Variants in CNTN5 observed in about 807,000 individuals in gnomAD.
The protein encoded by CNTN5 is contactin 5, also known as contactin-5.
A neutral mutation model predicts 129.1 loss-of-function variants in CNTN5; 77 were observed. That is an observed-to-expected ratio of 0.60 (90% CI 0.50 to 0.72). The LOEUF is 0.72. Ranked by LOEUF, CNTN5 falls within the 30% of genes least tolerant of loss-of-function variation. CNTN5 has a pLI of 0.00. For missense variants in CNTN5, 1,478 were observed against 1,328.8 expected (o/e 1.11, Z -1.75); for synonymous variants, 509 against 465.6 (o/e 1.09, Z -1.20).
intron 3 of CNTN5, among the ~76,000 whole-genome samples, chr11:99,585,434 C>T (rs1048125378): frequency 1.3e-5 from 2 of 151,996 alleles, no homozygotes; most frequent in Admixed American, 6.5e-5. Flanking sequence ...TTTTACAAAA[C>T]TTATAACAAT....
chr11:99,201,746 C>T (rs1859220442), intron 1 of CNTN5, among the ~76,000 whole-genome samples: 1 of 152,114 alleles, frequency 6.6e-6, no homozygotes, highest in African/African-American at 2.4e-5. Context: ...ACTGCTGACT[C>T]TGAAGATGGA....
At chr11:99,632,154 G>A (rs962126434) in intron 3 of CNTN5, among the ~76,000 whole-genome samples, 1 of 150,726 alleles carries the variant, frequency 6.6e-6, no homozygotes, top group Admixed American at 6.6e-5. Flanking sequence ...AGATTTGTCT[G>A]ATTATACAAA....
intron 1 of CNTN5, among the ~76,000 whole-genome samples, chr11:99,197,250 T>G (rs1013710155): frequency 2.6e-5 from 4 of 152,078 alleles, no homozygotes; most frequent in Non-Finnish European, 5.9e-5. Flanking sequence ...ATTATAAATT[T>G]TATAATTCCT....
chr11:100,130,819 TAC>T (rs1390321145), intron 13 of CNTN5, among the ~76,000 whole-genome samples: 4 of 152,036 alleles, frequency 2.6e-5, no homozygotes, highest in African/African-American at 9.7e-5. Context: ...CCACAGGAAG[TAC>T]AGTTTTGGCG....
intron 2 of CNTN5, among the ~76,000 whole-genome samples, chr11:99,475,250 C>G (rs1278985173): frequency 6.6e-6 from 1 of 152,208 alleles, no homozygotes; most frequent in East Asian, 1.9e-4. Flanking sequence ...AATTTCGTCT[C>G]CATGTCTCAT....
rs1156966917 is a variant in CNTN5, at chr11:99,610,266, TG to T, written c.55+53998del. On this transcript the variant is annotated intron_variant, in intron 3 of 24. Transcript: ENST00000524871. ...GGTTCTATTAATGGGTTCTCTAGTC[TG>T]CCAATAGGAAAATATCACTGATGTA... is the stretch of plus-strand genomic sequence containing the variant. Among the ~76,000 whole-genome samples, 3 of 152,160 alleles carry T rather than the reference TG, an allele frequency of 2.0e-5. No homozygotes were observed. In the East Asian group the frequency reaches 5.8e-4, roughly 29 times the overall value.
At chr11:99,772,908 A>G (rs1408948382) in intron 3 of CNTN5, among the ~76,000 whole-genome samples, 3 of 152,042 alleles carry the variant, frequency 2.0e-5, no homozygotes, top group East Asian at 1.9e-4. Context: ...TCTTTGTCCT[A>G]TTGGTTTTGT....
At chr11:100,211,347 C>T (rs1022988082) in intron 15 of CNTN5, among the ~76,000 whole-genome samples, 10 of 151,946 alleles carry the variant, frequency 6.6e-5, no homozygotes, top group Admixed American at 6.6e-4. Flanking sequence ...AGATTAACAA[C>T]TAAAATAAGA....
intron 9 of CNTN5, among the ~76,000 whole-genome samples, chr11:100,008,542 C>T (rs1940329149): frequency 6.6e-6 from 1 of 152,082 alleles, no homozygotes; most frequent in Non-Finnish European, 1.5e-5. Flanking sequence ...GTCATATCTT[C>T]CAGGATTTCC....
chr11:100,151,927 C>T (rs973119043), intron 13 of CNTN5, among the ~76,000 whole-genome samples: 10 of 151,452 alleles, frequency 6.6e-5, no homozygotes, highest in African/African-American at 2.4e-4. Context: ...GTCCTCTGGC[C>T]TCAGTTCTGT....
intron 8 of CNTN5, among the ~76,000 whole-genome samples, chr11:99,982,397 T>C (rs1938403136): frequency 6.6e-6 from 1 of 152,104 alleles, no homozygotes; most frequent in Non-Finnish European, 1.5e-5. Flanking sequence ...ATAGAATGGA[T>C]TGGGGTAAAA....
chr11:99,169,654 G>A (rs1000154480), intron 1 of CNTN5, among the ~76,000 whole-genome samples: 3 of 152,112 alleles, frequency 2.0e-5, no homozygotes, highest in African/African-American at 4.8e-5. Flanking sequence ...GGCCCAAGAC[G>A]AGACAGTAGT....
At chr11:99,495,123 AC>A (rs1372023114) in intron 2 of CNTN5, among the ~76,000 whole-genome samples, 2 of 152,186 alleles carry the variant, frequency 1.3e-5, no homozygotes, top group Non-Finnish European at 2.9e-5. Flanking sequence ...TAATCCCAGT[AC>A]TTTGGGAGGC....
At chr11:99,390,459 A>G (rs1402489717) in intron 2 of CNTN5, among the ~76,000 whole-genome samples, 1 of 152,196 alleles carries the variant, frequency 6.6e-6, no homozygotes, top group Non-Finnish European at 1.5e-5. Flanking sequence ...TAAAACAAAT[A>G]TATCTTTACC....
chr11:100,341,048 T>C (rs1952147713), intron 22 of CNTN5, 45 bp from the exon 23 acceptor site: 1 of 1,297,438 alleles, frequency 7.7e-7, no homozygotes, highest in South Asian at 1.2e-5. Context: ...TGAAGAAATG[T>C]ATTTAAGAAT....
intron 2 of CNTN5, among the ~76,000 whole-genome samples, chr11:99,506,552 C>T (rs1946627973): frequency 6.6e-6 from 1 of 151,912 alleles, no homozygotes; most frequent in Non-Finnish European, 1.5e-5. Flanking sequence ...ATAGTCATTG[C>T]AAACAATGAG....
chr11:100,087,667 A>G lies in CNTN5; in HGVS notation c.1580+13373A>G, dbSNP rs186740470. 3.7e-3 allele frequency among the ~76,000 whole-genome samples: 564 copies of G among 152,114 alleles called. 6 individuals carry two copies. The highest frequency in any genetic ancestry group is 0.014 in the South Asian group (67 of 4,822). ...TCTAGACCTGCAAAAAGACTTAGCC[A>G]CACAACAGTAGTGGGGGAACTCAAC... On this transcript the variant is annotated intron_variant, in intron 13 of 24. Transcript: ENST00000524871.
chr11:100,272,057 A>G (rs1950417420), intron 18 of CNTN5, among the ~76,000 whole-genome samples: 2 of 152,340 alleles, frequency 1.3e-5, no homozygotes, highest in South Asian at 4.1e-4. Flanking sequence ...GATAAGAACA[A>G]TATGAAAACA....
intron 3 of CNTN5, among the ~76,000 whole-genome samples, chr11:99,748,378 A>G (rs1565486963): frequency 6.6e-6 from 1 of 151,784 alleles, no homozygotes; most frequent in Non-Finnish European, 1.5e-5. Flanking sequence ...TACTGATTCA[A>G]TCTTTGTATT....
Sources: allele counts gnomAD v4.1 joint callset (sites outside exome capture counted in the v4.1 genomes callset), GRCh38; gene constraint gnomAD v4.1.1; transcripts MANE v1.5; gene names NCBI Gene and HGNC (gene_info 2026-07-23, HGNC 2026-07-21).